The following HDAC9 variants were observed in gnomAD, a reference collection of about 807,000 sequenced individuals.
HDAC9 encodes the protein histone deacetylase 9.
A neutral mutation model predicts 139.4 loss-of-function variants in HDAC9; 41 were observed. The ratio of observed to expected loss-of-function variants is 0.29; its 90% confidence interval spans 0.23 to 0.38. The LOEUF is 0.38. Among genes scored for constraint, HDAC9 ranks in the 10% least tolerant of loss-of-function variants. The pLI is 1.00. For synonymous variants in HDAC9, 517 were observed against 476.2 expected (o/e 1.09, Z -1.12); for missense variants, 1,147 against 1,297.0 (o/e 0.88, Z 1.78).
intron 1 of HDAC9, among the ~76,000 whole-genome samples, chr7:18,302,626 G>T (rs1326428531): frequency 6.6e-6 from 1 of 152,188 alleles, no homozygotes; most frequent in African/African-American, 2.4e-5. Context: ...CTTTCTAGAA[G>T]ACGTGAACAA....
intron 16 of HDAC9, among the ~76,000 whole-genome samples, chr7:18,775,106 A>T (rs1170198527): frequency 6.6e-6 from 1 of 152,046 alleles, no homozygotes; most frequent in Non-Finnish European, 1.5e-5. Flanking sequence ...GAAGTCACAC[A>T]CGATATTTAT....
At chr7:18,181,972 T>A (rs2128141517) in intron 2 of HDAC9, among the ~76,000 whole-genome samples, 1 of 152,328 alleles carries the variant, frequency 6.6e-6, no homozygotes, top group South Asian at 2.1e-4. Context: ...AAGACGGAAG[T>A]GTTTGAAATA....
intron 2 of HDAC9, among the ~76,000 whole-genome samples, chr7:18,508,504 C>T (rs980249185): frequency 2.6e-5 from 4 of 152,114 alleles, no homozygotes; most frequent in African/African-American, 9.7e-5. Flanking sequence ...AGATCGTGAA[C>T]CAAGTGCCTC....
At chr7:18,273,616 A>G (rs1157966135) in intron 2 of HDAC9, among the ~76,000 whole-genome samples, 1 of 152,198 alleles carries the variant, frequency 6.6e-6, no homozygotes, top group Non-Finnish European at 1.5e-5. Flanking sequence ...TGGAAATTGG[A>G]GGATATTTGT....
chr7:18,727,444 A>ATTTTTTTT, intron 12 of HDAC9, 136 bp from the exon 13 acceptor site: 1 of 630,484 alleles, frequency 1.6e-6, no homozygotes, highest in South Asian at 2.2e-5. Context: ...CCCTTTCTCT[A>ATTTTTTTT]TTTTTTTTTT....
chr7:18,989,520 C>A (rs1468835177), intron 25 of HDAC9, among the ~76,000 whole-genome samples: 1 of 149,834 alleles, frequency 6.7e-6, no homozygotes, highest in African/African-American at 2.5e-5. Flanking sequence ...GTGAATCTGA[C>A]AATTATGTGT....
chr7:18,191,201 C>G (rs149922471), intron 2 of HDAC9, among the ~76,000 whole-genome samples: 1 of 152,150 alleles, frequency 6.6e-6, no homozygotes, highest in Non-Finnish European at 1.5e-5. Flanking sequence ...ATACTGTATT[C>G]TTACAATAAA....
intron 2 of HDAC9, among the ~76,000 whole-genome samples, chr7:18,278,751 G>A (rs1431479169): frequency 6.6e-6 from 1 of 152,096 alleles, no homozygotes; most frequent in Non-Finnish European, 1.5e-5. Context: ...AGGACATTGT[G>A]AATTTATGCA....
intron 16 of HDAC9, among the ~76,000 whole-genome samples, chr7:18,791,011 C>A (rs75589428): frequency 2.0e-3 from 299 of 152,296 alleles, no homozygotes; most frequent in African/African-American, 6.9e-3. Context: ...ATTAATGTCA[C>A]AAACATCTTT....
At chr7:18,146,780 G>T (rs1281284218) in intron 1 of HDAC9, among the ~76,000 whole-genome samples, 2 of 152,046 alleles carry the variant, frequency 1.3e-5, no homozygotes, top group African/African-American at 2.4e-5. Context: ...TCCAGTTTAG[G>T]AGGAAAAGCA....
At chr7:18,859,169 T>G (rs1191370432) in intron 21 of HDAC9, among the ~76,000 whole-genome samples, 1 of 152,182 alleles carries the variant, frequency 6.6e-6, no homozygotes, top group Admixed American at 6.6e-5. Flanking sequence ...AAGTATATTG[T>G]GATCATTGCA....
intron 1 of HDAC9, among the ~76,000 whole-genome samples, chr7:18,347,069 A>G (rs1782472374): frequency 1.3e-5 from 2 of 152,288 alleles, no homozygotes; most frequent in South Asian, 2.1e-4. Flanking sequence ...TGTTTTCTGC[A>G]CCATACTGAA....
chr7:18,593,186 A>C (rs1831471276), intron 5 of HDAC9, among the ~76,000 whole-genome samples: 1 of 152,142 alleles, frequency 6.6e-6, no homozygotes, highest in Non-Finnish European at 1.5e-5. Context: ...CTGGTAGAAC[A>C]ATCATTGTGA....
At chr7:18,990,803 C>T (rs940079337) in intron 25 of HDAC9, among the ~76,000 whole-genome samples, 1 of 152,228 alleles carries the variant, frequency 6.6e-6, no homozygotes, top group Non-Finnish European at 1.5e-5. Flanking sequence ...TGGGAGTGAC[C>T]TGATTTTCCA....
chr7:18,237,893 A>G (rs1005351042), intron 2 of HDAC9, among the ~76,000 whole-genome samples: 1 of 152,222 alleles, frequency 6.6e-6, no homozygotes, highest in African/African-American at 2.4e-5. Context: ...GTATTCTTGC[A>G]TCAGTAGGTA....
At chr7:18,141,167 T>G (rs1342016352) in intron 1 of HDAC9, among the ~76,000 whole-genome samples, 1 of 152,224 alleles carries the variant, frequency 6.6e-6, no homozygotes. Context: ...CTTTCAAAAG[T>G]AAACTGTATT....
At chr7:18,947,881 T>C (rs1346071327) in intron 23 of HDAC9, among the ~76,000 whole-genome samples, 3 of 152,092 alleles carry the variant, frequency 2.0e-5, no homozygotes, top group South Asian at 2.1e-4. Flanking sequence ...TTCATCAAGA[T>C]CTTAAATGTT....
intron 3 of HDAC9, among the ~76,000 whole-genome samples, chr7:18,588,163 T>C (rs1423823260): frequency 6.6e-6 from 1 of 152,194 alleles, no homozygotes; most frequent in African/African-American, 2.4e-5. Context: ...CAGAGTTAGC[T>C]TCCTGTTGCT....
chr7:18,213,670 A>G (rs1792104074), intron 2 of HDAC9, among the ~76,000 whole-genome samples: 1 of 152,142 alleles, frequency 6.6e-6, no homozygotes. Flanking sequence ...AGCTATTCAC[A>G]CTGTAAGACC....
Sources: gnomAD v4.1 joint callset for allele counts (sites outside exome capture counted in the v4.1 genomes callset) on GRCh38, gnomAD v4.1.1 for gene constraint, MANE v1.5 for transcripts, NCBI Gene and HGNC (gene_info 2026-07-23, HGNC 2026-07-21) for gene names.